Variants in ZNF704 observed in about 807,000 individuals in gnomAD.
ZNF704 encodes the protein glucocorticoid induced gene 1.
A neutral mutation model predicts 44.7 loss-of-function variants in ZNF704; 10 were observed. The ratio of observed to expected loss-of-function variants is 0.22; its 90% CI spans 0.14 to 0.38. The LOEUF (loss-of-function observed/expected upper bound fraction) is 0.38, where lower values mean the gene tolerates loss of function less well. Among genes scored for constraint, ZNF704 ranks in the 10% least tolerant of loss-of-function variants. The pLI is 1.00. For synonymous variants in ZNF704, 211 were observed against 207.6 expected (o/e 1.02, Z -0.14); for missense variants, 390 against 545.5 (o/e 0.71, Z 2.84).
At chr8:80,687,529 A>G (rs902190494) in intron 3 of ZNF704, 71 bp from the exon 4 acceptor site, 4 of 1,235,506 alleles carry the variant, frequency 3.2e-6, no homozygotes, top group African/African-American at 3.0e-5. Flanking sequence ...GGGAAATGGG[A>G]GCCTTGGTTC....
At chr8:80,721,756 A>G (rs1819170391) in intron 2 of ZNF704, among the ~76,000 whole-genome samples, 1 of 152,228 alleles carries the variant, frequency 6.6e-6, no homozygotes, top group Admixed American at 6.5e-5. Context: ...TTTAACACTT[A>G]TAGTCCAGTG....
chr8:80,711,267 A>G (rs1331719773), intron 2 of ZNF704, among the ~76,000 whole-genome samples: 1 of 152,174 alleles, frequency 6.6e-6, no homozygotes, highest in Admixed American at 6.5e-5. Context: ...CACTGACAAC[A>G]GTCCCAGTGG....
intron 1 of ZNF704, among the ~76,000 whole-genome samples, chr8:80,847,952 AAAC>A (rs1808794023): frequency 6.6e-6 from 1 of 152,236 alleles, no homozygotes; most frequent in South Asian, 2.1e-4. Flanking sequence ...AGAGAAATGA[AAAC>A]AAGTTTATAC....
chr8:80,804,686 G>A (rs887185012), intron 2 of ZNF704, among the ~76,000 whole-genome samples: 1 of 152,150 alleles, frequency 6.6e-6, no homozygotes, highest in Non-Finnish European at 1.5e-5. Flanking sequence ...AGAGTGGGAG[G>A]TGGGAGGAGG....
chr8:80,763,172 G>A (rs1807160529), intron 2 of ZNF704, among the ~76,000 whole-genome samples: 1 of 152,216 alleles, frequency 6.6e-6, no homozygotes. Context: ...CTGGGGTCTG[G>A]AGGAAAGTGG....
intron 2 of ZNF704, among the ~76,000 whole-genome samples, chr8:80,767,335 C>T (rs931067696): frequency 2.0e-5 from 3 of 151,338 alleles, no homozygotes; most frequent in Non-Finnish European, 2.9e-5. Flanking sequence ...CTAAGGACAC[C>T]GAGAAACACA....
intron 8 of ZNF704, 47 bp from the exon 9 acceptor site, chr8:80,641,524 G>C (rs1817743350): frequency 2.3e-6 from 3 of 1,283,992 alleles, no homozygotes; most frequent in Non-Finnish European, 3.3e-6. Flanking sequence ...GAATTCAATG[G>C]GCATTCTATG....
intron 2 of ZNF704, among the ~76,000 whole-genome samples, chr8:80,750,959 C>T (rs909752754): frequency 8.5e-5 from 13 of 152,050 alleles, no homozygotes; most frequent in African/African-American, 1.7e-4. Flanking sequence ...CAAATCTTTT[C>T]GACTAAAAAT....
intron 7 of ZNF704, among the ~76,000 whole-genome samples, chr8:80,646,601 A>C (rs1259100057): frequency 2.0e-5 from 3 of 152,186 alleles, no homozygotes; most frequent in African/African-American, 7.2e-5. Flanking sequence ...GGGCCAGCAG[A>C]GGTAACATTC....
chr8:80,671,384 G>T, intron 4 of ZNF704, among the ~76,000 whole-genome samples: 1 of 152,136 alleles, frequency 6.6e-6, no homozygotes, highest in Non-Finnish European at 1.5e-5. Context: ...ATGATTGAGA[G>T]CACTGATTTT....
intron 6 of ZNF704, among the ~76,000 whole-genome samples, chr8:80,660,785 C>T (rs916734835): frequency 6.6e-6 from 1 of 152,060 alleles, no homozygotes; most frequent in African/African-American, 2.4e-5. Context: ...TACAAACATC[C>T]ACTCAAAATG....
intron 2 of ZNF704, among the ~76,000 whole-genome samples, chr8:80,708,896 T>G (rs1818939239): frequency 6.6e-6 from 1 of 152,120 alleles, no homozygotes; most frequent in African/African-American, 2.4e-5. Context: ...ACTTTCCACA[T>G]ACTTCAAGTG....
intron 2 of ZNF704, among the ~76,000 whole-genome samples, chr8:80,756,579 T>A (rs979021919): frequency 6.6e-6 from 1 of 152,240 alleles, no homozygotes; most frequent in Non-Finnish European, 1.5e-5. Flanking sequence ...CACTTCTAGT[T>A]GTCACAATAC....
rs116946292 is a variant in ZNF704, at chr8:80,775,762, T to A, written c.221+45612A>T. Among the ~76,000 whole-genome samples the A allele has an allele frequency of 1.8e-4, 27 of 152,326 alleles. No homozygotes were observed. The East Asian group carries it at 5.0e-3, about 28-fold the overall frequency. ...ACAGTTGTTTGAATACTTATCTTTA[T>A]GGACAACTCCAGAGTGAAATGGCAA... On this transcript the variant is annotated intron_variant, in intron 2 of 8. Coordinates refer to ENST00000327835, the MANE Select transcript of ZNF704 (RefSeq NM_001033723.3).
At chr8:80,668,333 C>T (rs1818227323) in intron 5 of ZNF704, among the ~76,000 whole-genome samples, 2 of 152,228 alleles carry the variant, frequency 1.3e-5, no homozygotes, top group Non-Finnish European at 2.9e-5. Flanking sequence ...CTCACCTCTT[C>T]ACAGGCCTGT....
chr8:80,721,357 G>A (rs1176044188), intron 2 of ZNF704, among the ~76,000 whole-genome samples: 2 of 152,130 alleles, frequency 1.3e-5, no homozygotes, highest in East Asian at 1.9e-4. Flanking sequence ...TCTTAGATAC[G>A]TGAAATGCAA....
intron 2 of ZNF704, among the ~76,000 whole-genome samples, chr8:80,754,231 C>T (rs1806997564): frequency 6.6e-6 from 1 of 151,972 alleles, no homozygotes; most frequent in South Asian, 2.1e-4. Flanking sequence ...ATGTAGAATA[C>T]TAACGGGACA....
chr8:80,838,870 CGGAGAA>C (rs1030646653), intron 1 of ZNF704, among the ~76,000 whole-genome samples: 2 of 148,436 alleles, frequency 1.3e-5, no homozygotes, highest in Non-Finnish European at 3.0e-5. Context: ...CCAGTGGTGG[CGGAGAA>C]GGAGAAGGAA....
At chr8:80,839,570 T>A (rs1199530866) in intron 1 of ZNF704, among the ~76,000 whole-genome samples, 1 of 152,246 alleles carries the variant, frequency 6.6e-6, no homozygotes, top group Non-Finnish European at 1.5e-5. Context: ...CATATCTGCT[T>A]ATCATAAACG....
Sources: allele counts gnomAD v4.1 joint callset (sites outside exome capture counted in the v4.1 genomes callset), GRCh38; gene constraint gnomAD v4.1.1; transcripts MANE v1.5; gene names NCBI Gene and HGNC (gene_info 2026-07-23, HGNC 2026-07-21).